MACROD2: variants seen among roughly 807,000 people sequenced by gnomAD.
The protein encoded by MACROD2 is ADP-ribose glycohydrolase MACROD2.
In MACROD2, 36 loss-of-function variants were observed where a neutral mutation model predicts 70.4. The observed-to-expected ratio is 0.51, with a 90% CI of 0.39 to 0.68. The LOEUF (loss-of-function observed/expected upper bound fraction) is 0.68, where lower values mean the gene tolerates loss of function less well. Among genes scored for constraint, MACROD2 ranks in the 30% least tolerant of loss-of-function variants. The pLI is 0.00. For missense variants in MACROD2, 496 were observed against 538.4 expected, an observed-to-expected ratio of 0.92 and a Z score of 0.78; for synonymous variants, 172 against 178.8, an observed-to-expected ratio of 0.96 and a Z score of 0.30.
chr20:15,550,342 T>TAAATAAATATTTAAAATAAGAAATATTA (rs1261203099), intron 8 of MACROD2, among the ~76,000 whole-genome samples: 1 of 150,626 alleles, frequency 6.6e-6, no homozygotes, highest in African/African-American at 2.4e-5. Context: ...AAGAAATATT[T>TAAATAAATATTTAAAATAAGAAATATTA]ATTATTCAGA....
At chr20:14,941,019 C>G (rs1399774849) in intron 5 of MACROD2, among the ~76,000 whole-genome samples, 2 of 152,046 alleles carry the variant, frequency 1.3e-5, no homozygotes, top group Non-Finnish European at 2.9e-5. Flanking sequence ...GCCATCAGAT[C>G]CTGGGCTTTT....
In MACROD2 at chr20:14,795,490, G is replaced by A. The variant is rs561312829; in HGVS notation, c.418+110531G>A. On this transcript the variant is annotated intron_variant, in intron 5 of 17. Coordinates refer to ENST00000684519, the MANE Select transcript of MACROD2 (RefSeq NM_001351661.2). ...GATTAGAATAAGCAACTGGGTAGAT[G>A]TTGATGTCATTATGAATCTGGTAGA... 8.5e-5 allele frequency among the ~76,000 whole-genome samples: 13 copies of A among 152,192 alleles called. No individual in the cohort carries two copies. The South Asian group carries it at 1.2e-3, about 15-fold the overall frequency.
At chr20:15,586,052 C>T (rs2048596334) in intron 8 of MACROD2, among the ~76,000 whole-genome samples, 1 of 152,200 alleles carries the variant, frequency 6.6e-6, no homozygotes, top group African/African-American at 2.4e-5. Context: ...CACCCTCCAG[C>T]TGTGCCCCAT....
intron 5 of MACROD2, among the ~76,000 whole-genome samples, chr20:14,869,986 G>A (rs1471610695): frequency 6.6e-6 from 1 of 152,054 alleles, no homozygotes; most frequent in Non-Finnish European, 1.5e-5. Flanking sequence ...GGGTACATGT[G>A]CAAGTTTGTC....
In MACROD2 at chr20:14,197,626, G is replaced by A. The variant is rs567749669; in HGVS notation, c.271+111898G>A. Among the ~76,000 whole-genome samples the A allele has an allele frequency of 9.7e-4, 147 of 152,274 alleles. 1 individual carries two copies. Among genetic ancestry groups the A allele is most frequent in the Admixed American group, 2.7e-3 (42 of 15,298 alleles). Reference sequence around the variant, plus strand: ...CTACTAAAATACAAAAATTAGCCGGGTGTGGTGGTGGGCGCCTGTAATCCC... The same window carrying A: ...CTACTAAAATACAAAAATTAGCCGGATGTGGTGGTGGGCGCCTGTAATCCC... On this transcript the variant is annotated intron_variant, in intron 3 of 17. Transcript: ENST00000684519.
rs552018910 is a variant in MACROD2 at position 14,537,694 on chromosome 20, A to G, written c.301+44186A>G. 1.4e-4 allele frequency among the ~76,000 whole-genome samples: 22 copies of G among 152,296 alleles called. No individual in the cohort carries two copies. The East Asian group carries it at 4.2e-3, about 29-fold the overall frequency. On this transcript the variant is annotated intron_variant, in intron 4 of 17. Transcript: ENST00000684519. ...AGGAGCTTCAGGGCTCTATTAATGT[A>G]TAGAATGTCTACTTCTGTTTTCTCC...
chr20:14,743,305 A>C (rs1389413773), intron 5 of MACROD2, among the ~76,000 whole-genome samples: 1 of 152,124 alleles, frequency 6.6e-6, no homozygotes, highest in Non-Finnish European at 1.5e-5. Flanking sequence ...GATGTTATAT[A>C]GTTGTGATGA....
chr20:15,393,832 G>C (rs888702402), intron 6 of MACROD2, among the ~76,000 whole-genome samples: 1 of 151,822 alleles, frequency 6.6e-6, no homozygotes, highest in Admixed American at 6.6e-5. Context: ...CTCTCTCTCT[G>C]AGCATTGGCT....
intron 3 of MACROD2, among the ~76,000 whole-genome samples, chr20:14,409,092 G>A (rs948743022): frequency 2.0e-5 from 3 of 150,776 alleles, no homozygotes; most frequent in East Asian, 1.9e-4. Flanking sequence ...TTACTTTGCC[G>A]TGGGCTGTCT....
At chr20:14,962,620 G>A (rs2074594678) in intron 5 of MACROD2, among the ~76,000 whole-genome samples, 1 of 151,226 alleles carries the variant, frequency 6.6e-6, no homozygotes, top group African/African-American at 2.4e-5. Context: ...ATAAAAGTCT[G>A]TAAAAAGAAT....
At chr20:15,259,985 A>G (rs866601326) in intron 6 of MACROD2, among the ~76,000 whole-genome samples, 18 of 151,558 alleles carry the variant, frequency 1.2e-4, no homozygotes, top group Non-Finnish European at 2.7e-4. Context: ...CTCTCCTGAA[A>G]TTTTTTTTAT....
At chr20:14,433,025 A>T (rs561533697) in intron 3 of MACROD2, among the ~76,000 whole-genome samples, 2 of 152,108 alleles carry the variant, frequency 1.3e-5, no homozygotes, top group South Asian at 4.1e-4. Flanking sequence ...ATGTGTCTGC[A>T]CTGGGCCAAG....
rs558907779 is a variant in MACROD2 at position 15,197,011 on chromosome 20, C to T, written c.419-32929C>T. 1.8e-5 allele frequency: 18 copies of T among 985,356 alleles called. No individual in the cohort carries two copies. The East Asian group carries it at 1.7e-3, about 93-fold the overall frequency. 61.0% of individuals were successfully genotyped at this position (985,356 alleles called of 1,614,324 possible). A position where few individuals can be genotyped will look rare whatever the true frequency, so the allele number is the denominator to read the frequency against. ...TTGGAAACTCAACACTCAGGAAGGT[C>T]GCATAGAGCCAGTTTATGCAGGTGA... On this transcript the variant is annotated intron_variant, in intron 5 of 17. Coordinates refer to ENST00000684519, the MANE Select transcript of MACROD2 (RefSeq NM_001351661.2).
chr20:14,138,601 T>A (rs1184144902), intron 3 of MACROD2, among the ~76,000 whole-genome samples: 3 of 152,064 alleles, frequency 2.0e-5, no homozygotes, highest in East Asian at 1.9e-4. Flanking sequence ...CAGCATGGAA[T>A]AGTGATTGCC....
In MACROD2 at chr20:13,995,942, C is replaced by T. The variant is rs1328824363; in HGVS notation, c.46+133C>T. 9.5e-7 allele frequency: 1 copy of T among 1,055,786 alleles called. No individual in the cohort carries two copies. Among genetic ancestry groups the T allele is most frequent in the Non-Finnish European group, 1.4e-6 (1 of 712,578 alleles). 65.4% of individuals were successfully genotyped at this position (1,055,786 alleles called of 1,614,324 possible). ...CCCTCCCGGCCGGTGCCGCCTCCCT[C>T]CGGTGTCCGTGTGTACACACGCGCA... On this transcript the variant is annotated intron_variant, in intron 1 of 17. Transcript: ENST00000684519. This position sits in a 1 kb window ranked among gnomAD's most constrained non-coding sequence, Gnocchi z 4.3.
intron 8 of MACROD2, among the ~76,000 whole-genome samples, chr20:15,634,989 A>G (rs1194546755): frequency 6.6e-6 from 1 of 152,206 alleles, no homozygotes; most frequent in Non-Finnish European, 1.5e-5. Flanking sequence ...AGTGTCTAGA[A>G]GCAGTTGTGG....
rs530372847 is a variant in MACROD2 at position 15,984,641 on chromosome 20, G to A, written c.986-2086G>A. ...TACATAAATTTTGCCTCCCCCCCCC[G>A]CCCTTCTCTTTTTTAAAGCGAACTT... On this transcript the variant is annotated intron_variant, in intron 13 of 17. Coordinates refer to ENST00000684519, the MANE Select transcript of MACROD2 (RefSeq NM_001351661.2). Among the ~76,000 whole-genome samples, 609 of 97,982 alleles carry A rather than the reference G, an allele frequency of 6.2e-3. 10 individuals are homozygous for A. The highest frequency in any genetic ancestry group is 0.023 in the African/African-American group (558 of 23,804). The allele number at this position is 97,982 out of a possible 152,430, so 64.3% of individuals were successfully genotyped here.
intron 8 of MACROD2, among the ~76,000 whole-genome samples, chr20:15,817,316 A>G (rs1438864017): frequency 6.6e-6 from 1 of 152,230 alleles, no homozygotes; most frequent in Non-Finnish European, 1.5e-5. Flanking sequence ...TATTTGAAAT[A>G]TCCTACTATT....
chr20:15,734,044 A>G lies in MACROD2; in HGVS notation c.646-128701A>G, dbSNP rs1023415448. 2.6e-5 allele frequency among the ~76,000 whole-genome samples: 4 copies of G among 152,212 alleles called. No homozygotes were observed. The East Asian group carries it at 7.7e-4, about 29-fold the overall frequency. The stretch of plus-strand genomic sequence containing the variant: ...CAGAGTGCTGTAGAAACATGGAGAA[A>G]GATTACTTAACTCTGATCTGGGCAA... On this transcript the variant is annotated intron_variant, in intron 8 of 17. Transcript: ENST00000684519.
Sources: gnomAD v4.1 joint callset for allele counts (sites outside exome capture counted in the v4.1 genomes callset) on GRCh38, gnomAD v4.1.1 for gene constraint, Gnocchi (gnomAD v3.1) non-coding constraint, MANE v1.5 for transcripts, NCBI Gene and HGNC (gene_info 2026-07-23, HGNC 2026-07-21) for gene names.